Variants in NFIB observed in about 807,000 individuals in gnomAD.
The protein encoded by NFIB is nuclear factor 1 B-type.
Under a neutral mutation model 61.5 loss-of-function variants are expected in NFIB, and 11 were observed. The observed-to-expected ratio is 0.18, with a 90% CI of 0.11 to 0.30. The LOEUF (loss-of-function observed/expected upper bound fraction) is 0.30. Ranked by LOEUF, NFIB falls within the 10% of genes least tolerant of loss-of-function variation. The pLI, the probability that NFIB is intolerant of heterozygous loss-of-function variation, is 1.00. For synonymous variants in NFIB, 260 were observed against 216.5 expected (o/e 1.20, Z -1.76); for missense variants, 471 against 608.9 (o/e 0.77, Z 2.38).
At chr9:14,176,486 T>C (rs1326395721) in intron 3 of NFIB, among the ~76,000 whole-genome samples, 1 of 152,246 alleles carries the variant, frequency 6.6e-6, no homozygotes, top group South Asian at 2.1e-4. Context: ...AAACAAAACA[T>C]TTAAGTCACA....
chr9:14,108,188 G>T (rs146410737), intron 10 of NFIB, among the ~76,000 whole-genome samples: 5 of 152,142 alleles, frequency 3.3e-5, no homozygotes, highest in Middle Eastern at 6.8e-3. Context: ...AGCGTTTTAC[G>T]TCAAGCTGTC....
At chr9:14,386,967 G>C (rs962900427) in intron 1 of NFIB, among the ~76,000 whole-genome samples, 1 of 152,164 alleles carries the variant, frequency 6.6e-6, no homozygotes, top group East Asian at 1.9e-4. Context: ...ATATCACACT[G>C]TAAACTCTGA....
At chr9:14,200,838 T>C (rs1187431487) in intron 2 of NFIB, among the ~76,000 whole-genome samples, 1 of 152,186 alleles carries the variant, frequency 6.6e-6, no homozygotes, top group Non-Finnish European at 1.5e-5. Flanking sequence ...GAGAACTCTG[T>C]ATCTCCATAT....
intron 1 of NFIB, among the ~76,000 whole-genome samples, chr9:14,341,459 C>T (rs1285790712): frequency 1.3e-5 from 2 of 152,068 alleles, no homozygotes; most frequent in African/African-American, 4.8e-5. Flanking sequence ...GTAGCAGAGG[C>T]CCTCAATGAA....
chr9:14,162,199 T>C (rs1217700984), intron 3 of NFIB, among the ~76,000 whole-genome samples: 1 of 152,110 alleles, frequency 6.6e-6, no homozygotes, highest in Non-Finnish European at 1.5e-5. Context: ...ATCAATGAGA[T>C]TGCATCTACA....
rs149708104 is a variant in NFIB, at chr9:14,344,108, A to AAGAGAGAG, written c.109-36596_109-36589dup. Among the ~76,000 whole-genome samples, 311 of 141,554 alleles carry AAGAGAGAG rather than the reference A, an allele frequency of 2.2e-3. 1 individual carries two copies. In the East Asian group the frequency reaches 0.023, roughly 10 times the overall value. The allele number at this position is 141,554 out of a possible 152,430, so 92.9% of individuals were successfully genotyped here. On this transcript the variant is annotated intron_variant, in intron 1 of 8. Transcript: ENST00000380934. Reference sequence around the variant, plus strand: ...TTAAAGAGAGGGAGAGAGAGAGAGAAAGAGAGAGAGAGAGAGAGAGAGAGA... The same window carrying AAGAGAGAG: ...TTAAAGAGAGGGAGAGAGAGAGAGAAAGAGAGAGAGAGAGAGAGAGAGAGAGAGAGAGA...
intron 1 of NFIB, among the ~76,000 whole-genome samples, chr9:14,368,500 C>A (rs1240548564): frequency 6.6e-6 from 1 of 152,250 alleles, no homozygotes; most frequent in Non-Finnish European, 1.5e-5. Flanking sequence ...ACCAGGCAGA[C>A]TGGTTACGGT....
intron 4 of NFIB, among the ~76,000 whole-genome samples, chr9:14,154,483 G>A (rs958098526): frequency 6.6e-6 from 1 of 152,088 alleles, no homozygotes; most frequent in Admixed American, 6.6e-5. Context: ...AATTAAAAGT[G>A]AAAACTTTCA....
At chr9:14,316,120 C>A (rs1167291815), upstream of NFIB, among the ~76,000 whole-genome samples, 1 of 152,210 alleles carries the variant, frequency 6.6e-6, no homozygotes, top group Non-Finnish European at 1.5e-5. Context: ...CTTTTTCCTT[C>A]ACCAAGTGGG....
At chr9:14,377,119 T>G (rs1222258400) in intron 1 of NFIB, among the ~76,000 whole-genome samples, 1 of 152,356 alleles carries the variant, frequency 6.6e-6, no homozygotes, top group East Asian at 1.9e-4. Flanking sequence ...AGATATACTC[T>G]GCATGCTTAA....
rs556715739 is a variant in NFIB, at chr9:14,314,128, G to A, written c.-617C>T. 2.0e-6 allele frequency: 2 copies of A among 1,024,828 alleles called. No homozygotes were observed. Among genetic ancestry groups the A allele is most frequent in the African/African-American group, 3.5e-5 (2 of 57,526 alleles). The allele number at this position is 1,024,828 out of a possible 1,614,324, so 63.5% of individuals were successfully genotyped here. A position where few individuals can be genotyped will look rare whatever the true frequency, so the allele number is the denominator to read the frequency against. On this transcript the variant is annotated 5_prime_UTR_variant, in exon 1 of 11. Transcript: ENST00000380953. Reference sequence around the variant, plus strand: ...CGACCATGTGTGTGCGCGAGGGGCAGCGTGAGCGAGTGCGCGCGGGTGGCG... The same window carrying A: ...CGACCATGTGTGTGCGCGAGGGGCAACGTGAGCGAGTGCGCGCGGGTGGCG...
the NFIB span, among the ~76,000 whole-genome samples, chr9:14,454,101 G>T: frequency 4.7e-3 from 719 of 152,196 alleles, no homozygotes; most frequent in Non-Finnish European, 8.3e-3. Context: ...TACACATTTT[G>T]TACAAACATA....
chr9:14,197,900 T>C (rs2048630115), intron 2 of NFIB, among the ~76,000 whole-genome samples: 1 of 152,166 alleles, frequency 6.6e-6, no homozygotes, highest in Non-Finnish European at 1.5e-5. Flanking sequence ...AAAGACAGCA[T>C]ATCTCGAGGT....
chr9:14,513,258 CT>C, the NFIB span, among the ~76,000 whole-genome samples: 5 of 152,034 alleles, frequency 3.3e-5, no homozygotes, highest in Non-Finnish European at 7.4e-5. Flanking sequence ...AAAAGAAAAA[CT>C]TGTTCTTACT....
intron 3 of NFIB, among the ~76,000 whole-genome samples, chr9:14,162,176 T>C (rs1465425156): frequency 1.3e-5 from 2 of 151,798 alleles, no homozygotes; most frequent in African/African-American, 4.8e-5. Flanking sequence ...TAGCAGGAAA[T>C]TTTTTTCCTA....
At chr9:14,365,901 A>C (rs1014665956) in intron 1 of NFIB, among the ~76,000 whole-genome samples, 1 of 151,902 alleles carries the variant, frequency 6.6e-6, no homozygotes, top group Non-Finnish European at 1.5e-5. Flanking sequence ...CTACCCAGGA[A>C]CTCCTTCCAT....
intron 2 of NFIB, among the ~76,000 whole-genome samples, chr9:14,196,600 A>T (rs2048495984): frequency 6.6e-6 from 1 of 151,066 alleles, no homozygotes; most frequent in Admixed American, 6.6e-5. Flanking sequence ...AATTGTGTCT[A>T]CTCCCCACAG....
At chr9:14,198,362 G>C (rs145007522) in intron 2 of NFIB, among the ~76,000 whole-genome samples, 2 of 152,024 alleles carry the variant, frequency 1.3e-5, no homozygotes, top group Non-Finnish European at 2.9e-5. Flanking sequence ...GTTTAAACCT[G>C]GAACAATTAC....
At chr9:14,198,414 A>T (rs1442194100) in intron 2 of NFIB, among the ~76,000 whole-genome samples, 2 of 152,186 alleles carry the variant, frequency 1.3e-5, no homozygotes, top group Non-Finnish European at 2.9e-5. Flanking sequence ...TAAAAGTTCA[A>T]TTTTCAGAAA....
Sources: gnomAD v4.1 joint callset for allele counts (sites outside exome capture counted in the v4.1 genomes callset) on GRCh38, gnomAD v4.1.1 for gene constraint, MANE v1.5 for transcripts, NCBI Gene and HGNC (gene_info 2026-07-23, HGNC 2026-07-21) for gene names.